Variants in SHROOM4 observed in about 807,000 individuals in gnomAD.
SHROOM4 encodes the protein protein Shroom4.
Under a neutral mutation model 80.3 loss-of-function variants are expected in SHROOM4, and 17 were observed. That is an observed-to-expected ratio of 0.21 (90% CI 0.14 to 0.32). SHROOM4 has a LOEUF of 0.32. Ranked by LOEUF, SHROOM4 falls within the 10% of genes least tolerant of loss-of-function variation. The pLI, the probability that SHROOM4 is intolerant of heterozygous loss-of-function variation, is 1.00. For synonymous variants in SHROOM4, 400 were observed against 437.5 expected, an observed-to-expected ratio of 0.91 and a Z score of 1.07; for missense variants, 993 against 1,140.3, an observed-to-expected ratio of 0.87 and a Z score of 1.86.
chrX:50,764,041 C>G (rs1935217566), intron 1 of SHROOM4, among the ~76,000 whole-genome samples: 1 of 111,839 alleles, frequency 8.9e-6, no homozygotes, highest in African/African-American at 3.2e-5. Flanking sequence ...TTTGAAAACA[C>G]CTTTTAGGAG....
At chrX:50,748,449 G>C (rs1328196340) in intron 1 of SHROOM4, among the ~76,000 whole-genome samples, 1 of 111,963 alleles carries the variant, frequency 8.9e-6, no homozygotes, top group Non-Finnish European at 1.9e-5. Flanking sequence ...CTAGGACCTA[G>C]ATCAGCTGGA....
At chrX:50,613,610 G>A (rs1321091383) in intron 5 of SHROOM4, among the ~76,000 whole-genome samples, 1 of 111,628 alleles carries the variant, frequency 9.0e-6, no homozygotes, top group Non-Finnish European at 1.9e-5. Context: ...CAAGATATAT[G>A]CAGGATCTAT....
At chrX:50,754,709 T>A (rs1935001879) in intron 1 of SHROOM4, among the ~76,000 whole-genome samples, 1 of 111,796 alleles carries the variant, frequency 8.9e-6, no homozygotes, top group South Asian at 3.8e-4. Context: ...ATCTCTTACC[T>A]GCCACAAAGA....
chrX:50,708,468 A>G (rs1423656713), intron 1 of SHROOM4, among the ~76,000 whole-genome samples: 1 of 112,259 alleles, frequency 8.9e-6, no homozygotes, highest in African/African-American at 3.2e-5. Flanking sequence ...GGAAGGGCAG[A>G]AACCACAGGA....
intron 1 of SHROOM4, among the ~76,000 whole-genome samples, chrX:50,728,645 C>G (rs782054928): frequency 1.8e-5 from 2 of 111,761 alleles, no homozygotes; most frequent in Non-Finnish European, 3.8e-5. Context: ...AAAACTAATC[C>G]CTAGTGGTCT....
intron 1 of SHROOM4, among the ~76,000 whole-genome samples, chrX:50,737,460 C>T (rs1557266784): frequency 9.0e-6 from 1 of 111,460 alleles, no homozygotes; most frequent in Non-Finnish European, 1.9e-5. Context: ...ATCTACAAGA[C>T]ACATATTTAT....
Position 50,810,464 on chromosome X carries a change from G to GT in SHROOM4, c.117+3437dup, listed in dbSNP as rs781795565. Among the ~76,000 whole-genome samples, 151 of 110,955 alleles carry GT rather than the reference G, an allele frequency of 1.4e-3. 1 individual carries two copies. Among genetic ancestry groups the GT allele is most frequent in the African/African-American group, 4.8e-3 (146 of 30,494 alleles). The stretch of plus-strand genomic sequence containing the variant: ...CCATCCCTGATGCAAACCGCTTCTG[G>GT]TTTTTTTTCCACAAAGGAGGTTCTC... On this transcript the variant is annotated intron_variant, in intron 1 of 8. Coordinates refer to ENST00000376020, the MANE Select transcript of SHROOM4 (RefSeq NM_020717.5).
chrX:50,576,363 G>T, the SHROOM4 span, among the ~76,000 whole-genome samples: 1 of 111,294 alleles, frequency 9.0e-6, no homozygotes, highest in Non-Finnish European at 1.9e-5. Flanking sequence ...TGCTGGGTGA[G>T]GGGTGGTAAG....
intron 2 of SHROOM4, among the ~76,000 whole-genome samples, chrX:50,660,200 T>C (rs1932446357): frequency 8.9e-6 from 1 of 111,913 alleles, no homozygotes; most frequent in Admixed American, 9.5e-5. Context: ...CTTCCAACAG[T>C]GTGTCAGAGC....
chrX:50,634,108 G>C lies in SHROOM4; in HGVS notation c.1965C>G (p.Asn655Lys). 1 of 1,211,746 alleles carries C rather than the reference G, an allele frequency of 8.3e-7. No individual in the cohort carries two copies. The highest frequency in any genetic ancestry group is 1.1e-6 in the Non-Finnish European group (1 of 895,481). The change falls in exon 4 of 9, where the codon AAC becomes AAG. Residue 655 changes from asparagine (N) to lysine (K), a missense_variant. Physicochemically the swap from Asn to Lys is moderately conservative, Grantham distance 94 (BLOSUM62 0). Coordinates refer to ENST00000376020, the MANE Select transcript of SHROOM4 (RefSeq NM_020717.5). ...ACCTAGCTCTGAGCATCATGCTTTT[G>C]TTGAAGAGCTTGTCTCTGGGGCTGG... ...KPPSPRDKLF[N>K]KSMMLRARSS...
At chrX:50,651,844 G>C (rs1464478633) in intron 2 of SHROOM4, among the ~76,000 whole-genome samples, 1 of 108,920 alleles carries the variant, frequency 9.2e-6, no homozygotes, top group Admixed American at 1.0e-4. Context: ...TTGGTTTTCT[G>C]TTCCTGTGTT....
intron 1 of SHROOM4, among the ~76,000 whole-genome samples, chrX:50,766,534 A>T: frequency 9.0e-6 from 1 of 111,658 alleles, no homozygotes. Context: ...TTTACTTTAG[A>T]TCCATACCTC....
At chrX:50,697,113 T>C (rs1481649730) in intron 1 of SHROOM4, among the ~76,000 whole-genome samples, 4 of 111,534 alleles carry the variant, frequency 3.6e-5, no homozygotes, top group Non-Finnish European at 7.5e-5. Context: ...TGAACAAGGC[T>C]CCTAATTTCT....
intron 1 of SHROOM4, among the ~76,000 whole-genome samples, chrX:50,722,490 C>G (rs1934138865): frequency 9.0e-6 from 1 of 111,068 alleles, no homozygotes. Context: ...TGGACTCTCC[C>G]TTTAACCAAG....
chrX:50,780,757 T>C (rs1219567933), intron 1 of SHROOM4, among the ~76,000 whole-genome samples: 4 of 112,108 alleles, frequency 3.6e-5, no homozygotes, highest in Non-Finnish European at 7.5e-5. Flanking sequence ...AGAGTTTCAC[T>C]TGATAACCTA....
chrX:50,610,352 T>TCTCTCACA (rs782591424), intron 5 of SHROOM4, among the ~76,000 whole-genome samples: 24 of 91,711 alleles, frequency 2.6e-4, no homozygotes, highest in African/African-American at 7.3e-4. Flanking sequence ...TCTCTCTCTC[T>TCTCTCACA]CACACACACA....
intron 1 of SHROOM4, among the ~76,000 whole-genome samples, chrX:50,797,128 C>G (rs1557272183): frequency 1.8e-5 from 2 of 109,135 alleles, no homozygotes; most frequent in Non-Finnish European, 3.8e-5. Context: ...GAGGAATATC[C>G]ACAGGATAGA....
At chrX:50,580,479 ATTTTTTGCTACC>A in the SHROOM4 span, among the ~76,000 whole-genome samples, 1 of 112,201 alleles carries the variant, frequency 8.9e-6, no homozygotes, top group Non-Finnish European at 1.9e-5. Flanking sequence ...GTTTGAATTA[ATTTTTTGCTACC>A]TTATTATTAG....
chrX:50,705,930 T>G lies in SHROOM4; in HGVS notation c.118-9993A>C, dbSNP rs1294924594. Among the ~76,000 whole-genome samples the G allele has an allele frequency of 2.8e-5, 3 of 107,518 alleles. No individual in the cohort carries two copies. In the Admixed American group the frequency reaches 3.1e-4, roughly 11 times the overall value. The allele number at this position is 107,518 out of a possible 115,157, so 93.4% of individuals were successfully genotyped here. Reference sequence around the variant, plus strand: ...ATGTAAACAGCAGCAGATCAGAAGCTCTACATGATCTGGCCATGCATGCCT... The same window carrying G: ...ATGTAAACAGCAGCAGATCAGAAGCGCTACATGATCTGGCCATGCATGCCT... On this transcript the variant is annotated intron_variant, in intron 1 of 8. Coordinates refer to ENST00000376020, the MANE Select transcript of SHROOM4 (RefSeq NM_020717.5).
Sources: allele counts gnomAD v4.1 joint callset (sites outside exome capture counted in the v4.1 genomes callset), GRCh38; gene constraint gnomAD v4.1.1; transcripts MANE v1.5; gene names NCBI Gene and HGNC (gene_info 2026-07-23, HGNC 2026-07-21).